Variants in KRT78 observed in about 807,000 individuals in gnomAD.
KRT78 encodes keratin 78.
KRT78 carries 55 observed loss-of-function variants against 51.4 expected under a neutral mutation model. The observed-to-expected ratio is 1.07, with a 90% CI of 0.86 to 1.34. The LOEUF (loss-of-function observed/expected upper bound fraction) is 1.34, where lower values mean the gene tolerates loss of function less well. Among genes scored for constraint, KRT78 ranks in the 40% most tolerant of loss-of-function variants. The pLI is 0.00. For synonymous variants in KRT78, 291 were observed against 264.3 expected (o/e 1.10, Z -0.98); for missense variants, 652 against 649.4 (o/e 1.00, Z -0.04).
chr12:52,843,703 AAAG>A (rs1940571525), intron 6 of KRT78, among the ~76,000 whole-genome samples: 1 of 150,636 alleles, frequency 6.6e-6, no homozygotes, highest in African/African-American at 2.5e-5. Context: ...AAAAAAAAAA[AAAG>A]AAAAAGAAAA....
At chr12:52,842,955 GA>G (rs1565698686) in intron 6 of KRT78, among the ~76,000 whole-genome samples, 4 of 94,108 alleles carry the variant, frequency 4.3e-5, no homozygotes, top group African/African-American at 2.6e-4. Flanking sequence ...GAGAGAGAGA[GA>G]GAGAGGAAGG....
rs1940388082 is a variant in KRT78 at position 52,838,095 on chromosome 12, C to A, written c.*1018G>T. ...GCGATTCATGAATCTGAGGAAAGGT[C>A]TGCCCTCCCTCTAAAGCAAGGAGAG... On this transcript the variant is annotated 3_prime_UTR_variant, in exon 9 of 9. Coordinates refer to ENST00000304620, the MANE Select transcript of KRT78 (RefSeq NM_173352.4). 1 of 152,216 alleles carries A rather than the reference C, an allele frequency of 6.6e-6. No individual in the cohort carries two copies. The highest frequency in any genetic ancestry group is 1.5e-5 in the Non-Finnish European group (1 of 68,052). The allele number at this position is 152,216 out of a possible 1,614,324, so 9.4% of individuals were successfully genotyped here.
intron 6 of KRT78, among the ~76,000 whole-genome samples, chr12:52,842,749 C>T (rs1376718517): frequency 6.6e-6 from 1 of 151,518 alleles, no homozygotes; most frequent in Non-Finnish European, 1.5e-5. Context: ...GAAACCCTGT[C>T]TCTACTAAAA....
At chr12:52,841,582 G>C (rs1361669126) in intron 6 of KRT78, among the ~76,000 whole-genome samples, 2 of 151,994 alleles carry the variant, frequency 1.3e-5, no homozygotes, top group African/African-American at 4.8e-5. Context: ...CAGTTGATTT[G>C]CCCTCACATC....
At chr12:52,844,384 G>C (rs73307822) in intron 5 of KRT78, among the ~76,000 whole-genome samples, 166 bp from the exon 6 acceptor site, 1 of 152,130 alleles carries the variant, frequency 6.6e-6, no homozygotes, top group Non-Finnish European at 1.5e-5. Flanking sequence ...TATCTCCCAC[G>C]GTTCCTCTGC....
rs200355330 is a variant in KRT78 at position 52,844,622 on chromosome 12, G to A, written c.858C>T (p.Arg286=). 2.7e-5 allele frequency: 44 copies of A among 1,614,154 alleles called. No individual in the cohort carries two copies. In the African/African-American group the frequency reaches 2.8e-4, roughly 10 times the overall value. Residue 286 remains arginine, a synonymous_variant, in exon 5 of 9, where the codon CGC becomes CGT. Transcript: ENST00000304620. ...TCCGGGCGATCTCCTCGTACCGGGCGCGGACCTCAGTGATGATGCTGCTGA... is the reference window on the plus strand; with the variant it reads ...TCCGGGCGATCTCCTCGTACCGGGCACGGACCTCAGTGATGATGCTGCTGA... ...LDFSSIITEV[R]ARYEEIARSS... is the part of the protein sequence containing the mutation.
chr12:52,848,538 G>T lies in KRT78; in HGVS notation c.384+9C>A. 6.2e-7 allele frequency: 1 copy of T among 1,613,430 alleles called. No homozygotes were observed. The highest frequency in any genetic ancestry group is 1.1e-5 in the South Asian group (1 of 90,928). On this transcript the variant is annotated intron_variant, in intron 1 of 8. Transcript: ENST00000304620. ...ACAGAGACAGGGGCTTGGCTGAGTT[G>T]ACCCTCACCTTGTCAATGAAGGAAG...
chr12:52,846,868 C>A, intron 2 of KRT78, 44 bp from the exon 3 acceptor site: 1 of 1,473,762 alleles, frequency 6.8e-7, no homozygotes, highest in South Asian at 1.1e-5. Flanking sequence ...GCTCCACGGT[C>A]AGAGCTCATG....
rs763941008 is a variant in KRT78, at chr12:52,839,992, C to A, written c.1048-8G>T. The A allele has an allele frequency of 5.0e-6, 8 of 1,608,680 alleles. No homozygotes were observed. The Admixed American group carries it at 1.2e-4, about 24-fold the overall frequency. Reference sequence around the variant, plus strand: ...GGCCTGCAGGCTGGCGTTCTGGAAGCGGGGTAGAAATGAGCGAGAAGGTGG... The same window carrying A: ...GGCCTGCAGGCTGGCGTTCTGGAAGAGGGGTAGAAATGAGCGAGAAGGTGG... On this transcript the variant is annotated splice_polypyrimidine_tract_variant and splice_region_variant and intron_variant, in intron 6 of 8. Transcript: ENST00000304620.
intron 6 of KRT78, among the ~76,000 whole-genome samples, chr12:52,842,195 C>T (rs1341431631): frequency 6.7e-6 from 1 of 149,808 alleles, no homozygotes; most frequent in African/African-American, 2.5e-5. Flanking sequence ...CCCCAGAGGG[C>T]TCTGCTTGGG....
At chr12:52,844,350 G>T in intron 5 of KRT78, 132 bp from the exon 6 acceptor site, 2 of 1,215,148 alleles carry the variant, frequency 1.6e-6, no homozygotes, top group Non-Finnish European at 1.2e-6. Context: ...GACACAGTGG[G>T]ATATACTTCC....
chr12:52,848,029 C>A lies in KRT78; in HGVS notation c.477G>T (p.Glu159Asp). 1 of 1,614,230 alleles carries A rather than the reference C, an allele frequency of 6.2e-7. No homozygotes were observed. The highest frequency in any genetic ancestry group is 1.7e-5 in the Admixed American group (1 of 60,034). The part of the protein sequence containing the change: ...QGLSGSQQGL[E>D]PVFEACLDQL... ...GATCCAGGCAGGCCTCAAAGACAGG[C>A]TCCAGGCCCTGCTGGCTGCCACTCA... Residue 159 changes from glutamate to aspartate, a missense_variant, in exon 2 of 9, where the codon GAG becomes GAT. Glu to Asp is a conservative substitution (Grantham distance 45, BLOSUM62 2). Coordinates refer to ENST00000304620, the MANE Select transcript of KRT78 (RefSeq NM_173352.4).
intron 1 of KRT78, 25 bp downstream of exon 1, chr12:52,848,522 G>A: frequency 6.2e-7 from 1 of 1,611,046 alleles, no homozygotes; most frequent in Non-Finnish European, 8.5e-7. Context: ...CACAGAGACA[G>A]GGGCTTGGCT....
Position 52,844,212 on chromosome 12 carries a change from C to G in KRT78, c.928G>C (p.Glu310Gln), listed in dbSNP as rs762979023. ...AEALYQTKYQ[E>Q]LQVSAQLHGD... is the part of the protein sequence containing the mutation. ...TGAAGCTGGGCAGACACCTGAAGTTCCTGGTACTGAGAGGGGAACAGAGGG... is the reference window on the plus strand; with the variant it reads ...TGAAGCTGGGCAGACACCTGAAGTTGCTGGTACTGAGAGGGGAACAGAGGG... The change falls in exon 6 of 9, where the codon GAA becomes CAA. Residue 310 changes from glutamate (E) to glutamine (Q), a missense_variant. Glu to Gln is a conservative substitution (Grantham distance 29, BLOSUM62 2). Transcript: ENST00000304620. 6.3e-7 allele frequency: 1 copy of G among 1,598,968 alleles called. No homozygotes were observed. The highest frequency in any genetic ancestry group is 2.2e-5 in the East Asian group (1 of 44,616).
At position 52,846,819 on chromosome 12, in the gene KRT78, T is replaced by A; in HGVS notation, c.605A>T (p.Glu202Val). ...DQEEEYKSKY[E>V]EEAHRRATLE... ...TGTGGCACGCCTGTGGGCCTCCTCC[T>A]CATACCTGCCAAATAAGTAGAGAAG... is the stretch of plus-strand genomic sequence containing the variant. The change falls in exon 3 of 9, where the codon GAG (glutamate) becomes GTG (valine). Residue 202 changes from glutamate (E) to valine (V), a missense_variant. By Grantham distance (121) the Glu-to-Val change is moderately radical. Coordinates refer to ENST00000304620, the MANE Select transcript of KRT78 (RefSeq NM_173352.4). 1 of 1,613,446 alleles carries A rather than the reference T, an allele frequency of 6.2e-7. No homozygotes were observed. The highest frequency in any genetic ancestry group is 8.5e-7 in the Non-Finnish European group (1 of 1,179,540).
chr12:52,839,551 G>T (rs1940432360), intron 7 of KRT78, 64 bp from the exon 8 acceptor site: 4 of 1,473,704 alleles, frequency 2.7e-6, no homozygotes, highest in Non-Finnish European at 1.8e-6. Context: ...ATCCCCACGA[G>T]CTTTTAAGCC....
At position 52,848,141 on chromosome 12, in the gene KRT78, T is replaced by A. The variant is rs1188587742; in HGVS notation, c.385-20A>T. On this transcript the variant is annotated intron_variant, in intron 1 of 8. Transcript: ENST00000304620. ...CCGCACCTGCAGCAAAAGCAGAGGA[T>A]CCCTGAGGCTCCTGTGGGACTCCCT... 2 of 1,611,004 alleles carry A rather than the reference T, an allele frequency of 1.2e-6. No individual in the cohort carries two copies. The highest frequency in any genetic ancestry group is 2.2e-5 in the South Asian group (2 of 90,684).
At position 52,839,010 on chromosome 12, in the gene KRT78, C is replaced by G; in HGVS notation, c.*103G>C. On this transcript the variant is annotated 3_prime_UTR_variant, in exon 9 of 9. Transcript: ENST00000304620. Reference sequence around the variant, plus strand: ...TGATTTTTGCAGCATCCGCTGTGGGCTGGCTTGGGCTGTGGGCAGCGGACA... The same window carrying G: ...TGATTTTTGCAGCATCCGCTGTGGGGTGGCTTGGGCTGTGGGCAGCGGACA... The G allele has an allele frequency of 7.3e-7, 1 of 1,368,604 alleles. No homozygotes were observed. Among genetic ancestry groups the G allele is most frequent in the South Asian group, 1.4e-5 (1 of 72,180 alleles). 84.8% of individuals were successfully genotyped at this position (1,368,604 alleles called of 1,614,324 possible). A position where few individuals can be genotyped will look rare whatever the true frequency, so the allele number is the denominator to read the frequency against.
rs745542878 is a variant in KRT78, at chr12:52,848,008, CAGGCAGGCCTCAA to C, written c.485_497del (p.Phe162TrpfsTer22). 5.0e-6 allele frequency: 8 copies of C among 1,614,194 alleles called. No homozygotes were observed. Among genetic ancestry groups the C allele is most frequent in the Non-Finnish European group, 6.8e-6 (8 of 1,180,008 alleles). On this transcript the variant is annotated frameshift_variant, in exon 2 of 9. Coordinates refer to ENST00000304620, the MANE Select transcript of KRT78 (RefSeq NM_173352.4). LOFTEE classifies it high-confidence loss of function. ...GCTCCAGCTGCTTCCTGAGCTGATC[CAGGCAGGCCTCAA>C]AGACAGGCTCCAGGCCCTGCTGGCT...
Sources: allele counts gnomAD v4.1 joint callset (sites outside exome capture counted in the v4.1 genomes callset), GRCh38; gene constraint gnomAD v4.1.1; transcripts MANE v1.5; gene names NCBI Gene and HGNC (gene_info 2026-07-23, HGNC 2026-07-21).